Variants in WASL observed in about 807,000 individuals in gnomAD.
The protein encoded by WASL is actin nucleation-promoting factor WASL.
A neutral mutation model predicts 55.5 loss-of-function variants in WASL; 20 were observed. The observed-to-expected ratio is 0.36, with a 90% CI of 0.25 to 0.52. The LOEUF (loss-of-function observed/expected upper bound fraction) is 0.52. Ranked by LOEUF, WASL falls within the 20% of genes least tolerant of loss-of-function variation. WASL has a pLI of 0.92. For missense variants in WASL, 504 were observed against 622.5 expected, an observed-to-expected ratio of 0.81 and a Z score of 2.03; for synonymous variants, 249 against 217.6, an observed-to-expected ratio of 1.14 and a Z score of -1.27.
At chr7:123,727,566 C>G (rs1290566799) in intron 1 of WASL, among the ~76,000 whole-genome samples, 2 of 152,076 alleles carry the variant, frequency 1.3e-5, no homozygotes, top group Non-Finnish European at 2.9e-5. Flanking sequence ...AACGTATATA[C>G]TGAGTGAAGA....
In WASL at chr7:123,692,556, G is replaced by C; in HGVS notation, c.1138C>G (p.Pro380Ala). The C allele has an allele frequency of 6.2e-7, 1 of 1,613,972 alleles. No individual in the cohort carries two copies. The highest frequency in any genetic ancestry group is 8.5e-7 in the Non-Finnish European group (1 of 1,179,918). ...GGGGGCGGTGGCCCAGGAGGAGGTG[G>C]AGGTGGAGGCGGTGGGGGTGGTGCC... is the stretch of plus-strand genomic sequence containing the variant. ...PVAPPPPPPP[P>A]PPPGPPPPPG... is the part of the protein sequence containing the mutation. Residue 380 changes from proline to alanine, a missense_variant, in exon 9 of 11, where the codon CCA (proline) becomes GCA (alanine). Coordinates refer to ENST00000223023, the MANE Select transcript of WASL (RefSeq NM_003941.4).
chr7:123,745,605 T>G (rs995916323), intron 1 of WASL, among the ~76,000 whole-genome samples: 24 of 152,170 alleles, frequency 1.6e-4, no homozygotes, highest in African/African-American at 5.3e-4. Flanking sequence ...GTTTTCAAAC[T>G]GTGATATACT....
intron 5 of WASL, among the ~76,000 whole-genome samples, chr7:123,697,593 C>A (rs181943654): frequency 1.2e-4 from 19 of 152,310 alleles, no homozygotes; most frequent in Non-Finnish European, 2.4e-4. Flanking sequence ...TCTGACAAAT[C>A]CTCCTTTGAG....
At chr7:123,711,482 T>C (rs939985795) in intron 1 of WASL, among the ~76,000 whole-genome samples, 12 of 152,202 alleles carry the variant, frequency 7.9e-5, no homozygotes, top group Non-Finnish European at 1.8e-4. Context: ...TGCTACACTC[T>C]TATTATCAGT....
At chr7:123,720,764 C>T (rs191076995) in intron 1 of WASL, among the ~76,000 whole-genome samples, 33 of 151,508 alleles carry the variant, frequency 2.2e-4, no homozygotes, top group African/African-American at 7.5e-4. Context: ...CATTCTCCTG[C>T]CTCAGCCTCC....
intron 5 of WASL, among the ~76,000 whole-genome samples, chr7:123,704,234 A>T (rs1803633157): frequency 3.3e-5 from 5 of 152,202 alleles, no homozygotes; most frequent in Admixed American, 3.3e-4. Flanking sequence ...TGAAAGGTAA[A>T]TCTTAAAGTA....
At chr7:123,744,052 G>A (rs1262827594) in intron 1 of WASL, among the ~76,000 whole-genome samples, 2 of 152,004 alleles carry the variant, frequency 1.3e-5, no homozygotes, top group African/African-American at 2.4e-5. Context: ...ATACATTCCC[G>A]GTCTAAACTT....
chr7:123,720,384 G>A (rs1324742915), intron 1 of WASL: 1 of 428,646 alleles, frequency 2.3e-6, no homozygotes, highest in Non-Finnish European at 4.5e-6. Context: ...GTAATGATAA[G>A]ATGAACAAGA....
chr7:123,723,524 T>C (rs1019430021), intron 1 of WASL, among the ~76,000 whole-genome samples: 12 of 152,192 alleles, frequency 7.9e-5, no homozygotes, highest in African/African-American at 2.9e-4. Context: ...TGTATACATA[T>C]GACAAACCTA....
Position 123,706,324 on chromosome 7 carries a change from A to T in WASL, c.389T>A (p.Phe130Tyr). 1 of 1,613,630 alleles carries T rather than the reference A, an allele frequency of 6.2e-7. No homozygotes were observed. The highest frequency in any genetic ancestry group is 1.1e-5 in the South Asian group (1 of 91,042). Residue 130 changes from phenylalanine (F) to tyrosine (Y), a missense_variant, in exon 4 of 11, where the codon TTT (phenylalanine) becomes TAT (tyrosine). Phe to Tyr is a conservative substitution (Grantham distance 22, BLOSUM62 3). This residue lies in a region of WASL where 230 missense variants were observed against 271.9 expected (regional missense o/e 0.85). Coordinates refer to ENST00000223023, the MANE Select transcript of WASL (RefSeq NM_003941.4). ...CAAAAGGTCTGTAACTGCTTTTCGA[A>T]ATTTTTTTGCTTCTTCTTCATTGGC... The part of the protein sequence containing the change: ...NFANEEEAKK[F>Y]RKAVTDLLGR...
chr7:123,689,276 G>T, intron 9 of WASL, 126 bp from the exon 10 acceptor site: 2 of 678,824 alleles, frequency 2.9e-6, no homozygotes, highest in Non-Finnish European at 5.1e-6. Context: ...AAACTGGCAA[G>T]CGCAGGACAA....
Position 123,696,678 on chromosome 7 carries a change from G to T in WASL, c.530C>A (p.Pro177Gln). The change falls in exon 6 of 11, where the codon CCA becomes CAA. Residue 177 changes from proline (P) to glutamine (Q), a missense_variant. Transcript: ENST00000223023. ...GGTATGGGAGATGTTGTTGACTTGTGGACCATAAAATCTATTTGTTGTGAT... is the reference window on the plus strand; with the variant it reads ...GGTATGGGAGATGTTGTTGACTTGTTGACCATAAAATCTATTTGTTGTGAT... ...PEITTNRFYG[P>Q]QVNNISHTKE... The T allele has an allele frequency of 6.2e-7, 1 of 1,603,586 alleles. No individual in the cohort carries two copies. Among genetic ancestry groups the T allele is most frequent in the East Asian group, 2.3e-5 (1 of 44,132 alleles).
At chr7:123,685,107 C>T (rs997199133) in intron 10 of WASL, among the ~76,000 whole-genome samples, 1 of 151,924 alleles carries the variant, frequency 6.6e-6, no homozygotes, top group African/African-American at 2.4e-5. Flanking sequence ...TTCACTGCTA[C>T]TCTCCACACC....
rs774194240 is a variant in WASL, at chr7:123,706,271, G to A, written c.436+6C>T. The A allele has an allele frequency of 4.3e-6, 7 of 1,612,696 alleles. No individual in the cohort carries two copies. In the Admixed American group the frequency reaches 1.0e-4, roughly 23 times the overall value. On this transcript the variant is annotated splice_donor_region_variant and intron_variant, in intron 4 of 10. Transcript: ENST00000223023. ...GGCCTGATTTAAGTAATTAAAAAAGGGTTACCAGATTTCCTTTGTCGACGG... is the reference window on the plus strand; with the variant it reads ...GGCCTGATTTAAGTAATTAAAAAAGAGTTACCAGATTTCCTTTGTCGACGG...
chr7:123,705,618 A>G (rs911565744), intron 4 of WASL, among the ~76,000 whole-genome samples: 5 of 152,166 alleles, frequency 3.3e-5, no homozygotes, highest in Non-Finnish European at 7.4e-5. Flanking sequence ...TCTCCACTTT[A>G]CAAGAGAAAC....
intron 10 of WASL, 31 bp downstream of exon 10, chr7:123,689,010 CT>C: frequency 4.8e-6 from 1 of 206,200 alleles, no homozygotes; most frequent in South Asian, 1.6e-4. Context: ...CTCTCTGTCT[CT>C]CTCTCTCTCT....
At position 123,748,684 on chromosome 7, in the gene WASL, C is replaced by T; in HGVS notation, c.51G>A (p.Val17=). The part of the protein sequence containing the change: ...QPPPPRRVTN[V]GSLLLTPQEN... Reference sequence around the variant, plus strand: ...CCTGCGGGGTGAGCAACAGGGACCCCACGTTGGTGACCCTCCGCGGCGGCG... The same window carrying T: ...CCTGCGGGGTGAGCAACAGGGACCCTACGTTGGTGACCCTCCGCGGCGGCG... Residue 17 remains valine, a synonymous_variant, in exon 1 of 11, where the codon GTG becomes GTA. Transcript: ENST00000223023. 1.9e-6 allele frequency: 3 copies of T among 1,611,822 alleles called. No individual in the cohort carries two copies. Among genetic ancestry groups the T allele is most frequent in the Non-Finnish European group, 2.5e-6 (3 of 1,179,134 alleles).
chr7:123,700,018 T>A (rs1387466973), intron 5 of WASL, among the ~76,000 whole-genome samples: 1 of 151,168 alleles, frequency 6.6e-6, no homozygotes, highest in African/African-American at 2.4e-5. Flanking sequence ...CTACTAACAA[T>A]ACAAAAAATT....
Position 123,748,813 on chromosome 7 carries a change from A to G in WASL, c.-79T>C. On this transcript the variant is annotated 5_prime_UTR_variant, in exon 1 of 11. Coordinates refer to ENST00000223023, the MANE Select transcript of WASL (RefSeq NM_003941.4). ...AGAGCTCGTTCCCCCTCTCGGTGAC[A>G]GGGGCGGGGAGAAGTGGAGTCAGAG... The G allele has an allele frequency of 8.1e-7, 1 of 1,238,200 alleles. No homozygotes were observed. Among genetic ancestry groups the G allele is most frequent in the Admixed American group, 2.6e-5 (1 of 38,548 alleles). The allele number at this position is 1,238,200 out of a possible 1,614,324, so 76.7% of individuals were successfully genotyped here.
Sources: gnomAD v4.1 joint callset for allele counts (sites outside exome capture counted in the v4.1 genomes callset) on GRCh38, gnomAD v4.1.1 for gene constraint, gnomAD v4.1.1 regional missense constraint, MANE v1.5 for transcripts, NCBI Gene and HGNC (gene_info 2026-07-23, HGNC 2026-07-21) for gene names.